Variants in ARAP1 observed in about 807,000 individuals in gnomAD.
ARAP1 encodes the protein ArfGAP with RhoGAP domain, ankyrin repeat and PH domain 1, also known as arf-GAP with Rho-GAP domain, ANK repeat and PH domain-containing protein 1.
ARAP1 carries 76 observed loss-of-function variants against 172.2 expected under a neutral mutation model. That is an observed-to-expected ratio of 0.44 (90% confidence interval 0.37 to 0.53). The LOEUF is 0.53. ARAP1 is among the 20% of genes least tolerant of loss of function. The pLI, the probability that ARAP1 is intolerant of heterozygous loss-of-function variation, is 0.00. For missense variants in ARAP1, 1,686 were observed against 1,977.5 expected (o/e 0.85, Z 2.80); for synonymous variants, 804 against 803.3 (o/e 1.00, Z -0.01).
chr11:72,698,119 C>T lies in ARAP1; in HGVS notation c.2542-13G>A, dbSNP rs1171261367. On this transcript the variant is annotated splice_polypyrimidine_tract_variant and intron_variant, in intron 18 of 34. Transcript: ENST00000393609. ...GAGGCACGAATGCCTGGCAGAGAGG[C>T]GCCGGGGGAGACAGCATCAGCCAAC... 2.3e-5 allele frequency: 37 copies of T among 1,574,892 alleles called. No individual in the cohort carries two copies. Among genetic ancestry groups the T allele is most frequent in the Non-Finnish European group, 2.8e-5 (32 of 1,160,590 alleles).
Position 72,696,655 on chromosome 11 carries a change from C to T in ARAP1, c.3167-1G>A. ...ACCTTCTCCTCCTCGTCCTCAATCT[C>T]TGGGTGGGAAAGATAAATCAAGTCA... On this transcript the variant is annotated splice_acceptor_variant, in intron 22 of 34. Coordinates refer to ENST00000393609, the MANE Select transcript of ARAP1 (RefSeq NM_001040118.3). LOFTEE classifies it high-confidence loss of function. 6.3e-7 allele frequency: 1 copy of T among 1,586,702 alleles called. No homozygotes were observed. Among genetic ancestry groups the T allele is most frequent in the Non-Finnish European group, 8.6e-7 (1 of 1,164,278 alleles).
intron 30 of ARAP1, among the ~76,000 whole-genome samples, chr11:72,691,479 GC>G (rs1855929568): frequency 6.6e-6 from 1 of 152,210 alleles, no homozygotes; most frequent in South Asian, 2.1e-4. Flanking sequence ...GACTGGATGG[GC>G]AGATAGGCTC....
At chr11:72,731,593 T>C (rs1857870857) in intron 2 of ARAP1, among the ~76,000 whole-genome samples, 1 of 152,220 alleles carries the variant, frequency 6.6e-6, no homozygotes, top group African/African-American at 2.4e-5. Flanking sequence ...CTCTTTTCTT[T>C]ATAAATTACT....
chr11:72,707,168 C>T lies in ARAP1; in HGVS notation c.1723+7G>A. ...TCTGCCTGGTGCCCCGACCCCCATG[C>T]ACACACCTGCACAGCGCTTGCAGAT... On this transcript the variant is annotated splice_region_variant and intron_variant, in intron 12 of 34. Coordinates refer to ENST00000393609, the MANE Select transcript of ARAP1 (RefSeq NM_001040118.3). 1 of 1,571,606 alleles carries T rather than the reference C, an allele frequency of 6.4e-7. No homozygotes were observed. Among genetic ancestry groups the T allele is most frequent in the Non-Finnish European group, 8.6e-7 (1 of 1,156,776 alleles).
chr11:72,699,536 C>A lies in ARAP1; in HGVS notation c.2319G>T (p.Trp773Cys). 1 of 1,613,104 alleles carries A rather than the reference C, an allele frequency of 6.2e-7. No homozygotes were observed. Among genetic ancestry groups the A allele is most frequent in the Non-Finnish European group, 8.5e-7 (1 of 1,179,646 alleles). Residue 773 changes from tryptophan (W) to cysteine (C), a missense_variant, in exon 17 of 35, where the codon TGG becomes TGT. Physicochemically the swap from Trp to Cys is radical, Grantham distance 215 (BLOSUM62 -2). Transcript: ENST00000393609. The surrounding 1 kb of genome is among the most constrained non-coding windows in gnomAD (Gnocchi z 4.2). ...TCAGGACCCCGTCACCAAGGACACA[C>A]CAGCGCCGGCTGAACTCTGGGGAGA... ...RRAREEFSRR[W>C]CVLGDGVLSY...
At position 72,697,985 on chromosome 11, in the gene ARAP1, C is replaced by A. The variant is rs1338506534; in HGVS notation, c.2663G>T (p.Gly888Val). 2 of 1,612,338 alleles carry A rather than the reference C, an allele frequency of 1.2e-6. No homozygotes were observed. The highest frequency in any genetic ancestry group is 1.1e-5 in the South Asian group (1 of 90,774). The part of the protein sequence containing the change: ...RAQEGWFSLS[G>V]SELRAVFPEG... ...CGGGAAGACAGCACGGAGCTCCGAG[C>A]CACTGAGAGAGAACCAGCCCTCCTG... The change falls in exon 19 of 35, where the codon GGC becomes GTC. Residue 888 changes from glycine (G) to valine (V), a missense_variant. Coordinates refer to ENST00000393609, the MANE Select transcript of ARAP1 (RefSeq NM_001040118.3).
chr11:72,717,262 C>T (rs939353755), intron 3 of ARAP1, among the ~76,000 whole-genome samples: 6 of 152,142 alleles, frequency 3.9e-5, no homozygotes, highest in South Asian at 2.1e-4. Flanking sequence ...AAGAGGAAGG[C>T]GCCTTGGAAA....
intron 33 of ARAP1, among the ~76,000 whole-genome samples, chr11:72,686,600 C>T (rs1481834617): frequency 2.0e-5 from 3 of 152,330 alleles, no homozygotes; most frequent in Middle Eastern, 6.8e-3. Context: ...GTCTCCCTTT[C>T]CCTAAACACA....
intron 1 of ARAP1, among the ~76,000 whole-genome samples, chr11:72,749,144 G>A (rs1000974664): frequency 6.6e-6 from 1 of 152,184 alleles, no homozygotes; most frequent in African/African-American, 2.4e-5. Flanking sequence ...GTCACACACT[G>A]TTCAAGGCTG....
rs887870629 is a variant in ARAP1 at position 72,711,051 on chromosome 11, G to A, written c.1183C>T (p.Arg395Ter). The A allele has an allele frequency of 1.9e-6, 3 of 1,614,082 alleles. No individual in the cohort carries two copies. Among genetic ancestry groups the A allele is most frequent in the African/African-American group, 1.3e-5 (1 of 74,934 alleles). ...DQKFEVITNN[R>*]TFAFRAESDV... ...CTCTCTGCCCGGAAGGCAAAGGTTC[G>A]GTTGTTTGTGATCACTTCAAACTTC... is the stretch of plus-strand genomic sequence containing the variant. The change falls in exon 9 of 35, where the codon CGA becomes TGA. Residue 395 changes from arginine (R) to a stop codon, truncating the protein, a stop_gained. Coordinates refer to ENST00000393609, the MANE Select transcript of ARAP1 (RefSeq NM_001040118.3). LOFTEE classifies it high-confidence loss of function.
In ARAP1 at chr11:72,693,751, G is replaced by A. The variant is rs749242922; in HGVS notation, c.3749C>T (p.Thr1250Met). The change falls in exon 28 of 35, where the codon ACG (threonine) becomes ATG (methionine). Residue 1250 changes from threonine (T) to methionine (M), a missense_variant. Coordinates refer to ENST00000393609, the MANE Select transcript of ARAP1 (RefSeq NM_001040118.3). This position sits in a 1 kb window ranked among gnomAD's most constrained non-coding sequence, Gnocchi z 4.6. ...CTTCTTCACCACCAGGTGGCTGTCC[G>A]TGCCCAGCCCGTGCAGGATGGGCAG... The part of the protein sequence containing the change: ...KVLPILHGLG[T>M]DSHLVVKKHQ... 8.1e-6 allele frequency: 13 copies of A among 1,610,446 alleles called. No homozygotes were observed. Among genetic ancestry groups the A allele is most frequent in the Middle Eastern group, 1.6e-4 (1 of 6,070 alleles).
rs1858188855 is a variant in ARAP1 at position 72,741,238 on chromosome 11, C to T, written c.-127-8641G>A. The stretch of plus-strand genomic sequence containing the variant: ...GACTTCTGGGCCCTCACCGCTGCCT[C>T]CTGCCTCTGCCCCCTGCAACCAGGA... On this transcript the variant is annotated intron_variant, in intron 1 of 34. Transcript: ENST00000393609. The surrounding 1 kb of genome is among the most constrained non-coding windows in gnomAD (Gnocchi z 4.5). Among the ~76,000 whole-genome samples the T allele has an allele frequency of 6.6e-6, 1 of 152,066 alleles. No homozygotes were observed. Among genetic ancestry groups the T allele is most frequent in the African/African-American group, 2.4e-5 (1 of 41,410 alleles).
At chr11:72,712,987 C>T in intron 5 of ARAP1, 189 bp downstream of exon 5, 1 of 657,226 alleles carries the variant, frequency 1.5e-6, no homozygotes. Flanking sequence ...AGAGCCCCGA[C>T]CCCTGGCCCA....
In ARAP1 at chr11:72,725,316, CTCTT is replaced by C. The variant is rs1306354286; in HGVS notation, c.509+1300_509+1303del. Among the ~76,000 whole-genome samples the C allele has an allele frequency of 1.3e-5, 2 of 151,744 alleles. No individual in the cohort carries two copies. The highest frequency in any genetic ancestry group is 1.9e-4 in the East Asian group (1 of 5,168). ...CTAACCTCTCTCTCTCTCTCTCTCTCTCTTTTTCTCTCTCTCTCTCCCCCCCACA... is the reference window on the plus strand; with the variant it reads ...CTAACCTCTCTCTCTCTCTCTCTCTCTTTCTCTCTCTCTCTCCCCCCCACA... On this transcript the variant is annotated intron_variant, in intron 3 of 34. Coordinates refer to ENST00000393609, the MANE Select transcript of ARAP1 (RefSeq NM_001040118.3). The surrounding 1 kb of genome is among the most constrained non-coding windows in gnomAD (Gnocchi z 4.3).
At chr11:72,718,553 C>G (rs755247121) in intron 3 of ARAP1, among the ~76,000 whole-genome samples, 5 of 152,044 alleles carry the variant, frequency 3.3e-5, no homozygotes, top group Non-Finnish European at 5.9e-5. Flanking sequence ...CTCTAGGCAA[C>G]CTCCAAGATT....
chr11:72,713,065 C>G, intron 5 of ARAP1, 111 bp downstream of exon 5: 2 of 1,158,448 alleles, frequency 1.7e-6, no homozygotes, highest in Non-Finnish European at 1.3e-6. Flanking sequence ...GAAGGGGAAG[C>G]CTCCCGGGAA....
chr11:72,712,648 G>C (rs777725807), intron 5 of ARAP1, 80 bp from the exon 6 acceptor site: 23 of 1,600,154 alleles, frequency 1.4e-5, no homozygotes, highest in Non-Finnish European at 1.8e-5. Context: ...CGCCCCCTCT[G>C]TCCACACAGC....
At chr11:72,713,663 C>T (rs1328272853) in intron 4 of ARAP1, among the ~76,000 whole-genome samples, 5 of 151,872 alleles carry the variant, frequency 3.3e-5, no homozygotes, top group Admixed American at 6.6e-5. Flanking sequence ...CTGGCTAACA[C>T]GGTGAAACCC....
Position 72,710,577 on chromosome 11 carries a change from C to A in ARAP1, c.1224G>T (p.Lys408Asn). 6.2e-7 allele frequency: 1 copy of A among 1,607,112 alleles called. No homozygotes were observed. Among genetic ancestry groups the A allele is most frequent in the East Asian group, 2.2e-5 (1 of 44,830 alleles). Residue 408 changes from lysine (K) to asparagine (N), a missense_variant, in exon 10 of 35, where the codon AAG becomes AAT. Coordinates refer to ENST00000393609, the MANE Select transcript of ARAP1 (RefSeq NM_001040118.3). This position sits in a 1 kb window ranked among gnomAD's most constrained non-coding sequence, Gnocchi z 4.3. ...CCTGCTGCAGGGCCTGCATCCACTCCTTCCGCTCCACTGCAGGAGAAGGGT... is the reference window on the plus strand; with the variant it reads ...CCTGCTGCAGGGCCTGCATCCACTCATTCCGCTCCACTGCAGGAGAAGGGT... ...AFRAESDVER[K>N]EWMQALQQAM...
Sources: gnomAD v4.1 joint callset for allele counts (sites outside exome capture counted in the v4.1 genomes callset) on GRCh38, gnomAD v4.1.1 for gene constraint, Gnocchi (gnomAD v3.1) non-coding constraint, MANE v1.5 for transcripts, NCBI Gene and HGNC (gene_info 2026-07-23, HGNC 2026-07-21) for gene names.